Variants in CRACD observed in about 807,000 individuals in gnomAD.
The protein encoded by CRACD is capping protein-inhibiting regulator of actin dynamics.
Under a neutral mutation model 106.8 loss-of-function variants are expected in CRACD, and 56 were observed. The observed-to-expected ratio is 0.52, with a 90% CI of 0.42 to 0.66. The LOEUF (loss-of-function observed/expected upper bound fraction) is 0.66, where lower values mean the gene tolerates loss of function less well. Among genes scored for constraint, CRACD ranks in the 30% least tolerant of loss-of-function variants. The pLI, the probability that CRACD is intolerant of heterozygous loss-of-function variation, is 0.00. For missense variants in CRACD, 1,730 were observed against 1,623.2 expected, an observed-to-expected ratio of 1.07 and a Z score of -1.13; for synonymous variants, 754 against 670.8, an observed-to-expected ratio of 1.12 and a Z score of -1.92.
intron 8 of CRACD, among the ~76,000 whole-genome samples, chr4:56,317,967 T>A (rs12501524): frequency 0.19 from 28,646 of 151,962 alleles, 3,261 homozygotes; most frequent in East Asian, 0.51. Context: ...AAAGTATGGG[T>A]CAAAGCCAAA....
At chr4:56,145,277 C>T (rs931785693) in intron 1 of CRACD, among the ~76,000 whole-genome samples, 3 of 152,178 alleles carry the variant, frequency 2.0e-5, no homozygotes, top group Non-Finnish European at 2.9e-5. Flanking sequence ...ATGAGTATTT[C>T]ACGGAATGCT....
At chr4:56,049,642 G>T (rs1240572357) in intron 1 of CRACD, among the ~76,000 whole-genome samples, 1 of 152,154 alleles carries the variant, frequency 6.6e-6, no homozygotes, top group African/African-American at 2.4e-5. Flanking sequence ...CCAGGTCCCT[G>T]GCTCGGTCCC....
At chr4:56,224,067 G>A (rs538873611) in intron 2 of CRACD, among the ~76,000 whole-genome samples, 24 of 152,274 alleles carry the variant, frequency 1.6e-4, no homozygotes, top group African/African-American at 5.8e-4. Flanking sequence ...TGTTTTAATT[G>A]ATGAGGTCTG....
chr4:56,069,456 G>A (rs1732562979), intron 1 of CRACD, among the ~76,000 whole-genome samples: 1 of 152,168 alleles, frequency 6.6e-6, no homozygotes, highest in African/African-American at 2.4e-5. Flanking sequence ...CCAGTCCCGG[G>A]ACTCTCCTGT....
intron 1 of CRACD, among the ~76,000 whole-genome samples, chr4:56,055,493 G>C (rs886747932): frequency 1.3e-5 from 2 of 152,104 alleles, no homozygotes; most frequent in African/African-American, 4.8e-5. Flanking sequence ...GGTCTCGGGT[G>C]GGGGCCACAG....
At chr4:56,214,614 T>C (rs1390544955) in intron 2 of CRACD, among the ~76,000 whole-genome samples, 1 of 145,810 alleles carries the variant, frequency 6.9e-6, no homozygotes, top group Admixed American at 6.9e-5. Flanking sequence ...AAGAGACATA[T>C]CGCACCACTG....
chr4:56,217,010 A>G (rs950219391), intron 2 of CRACD, among the ~76,000 whole-genome samples: 3 of 151,794 alleles, frequency 2.0e-5, no homozygotes, highest in Admixed American at 6.6e-5. Context: ...AAAGAAAAAA[A>G]AAAAAAAGAA....
chr4:56,194,318 A>G (rs1737507762), intron 2 of CRACD, among the ~76,000 whole-genome samples: 1 of 152,176 alleles, frequency 6.6e-6, no homozygotes, highest in African/African-American at 2.4e-5. Flanking sequence ...GCTTCAAAAT[A>G]CCCAATTCTC....
chr4:56,200,243 C>T (rs1165609134), intron 2 of CRACD, among the ~76,000 whole-genome samples: 1 of 152,042 alleles, frequency 6.6e-6, no homozygotes, highest in African/African-American at 2.4e-5. Flanking sequence ...ATTAATTTAT[C>T]CTCTGTGGCT....
At chr4:56,277,733 A>T (rs190521414) in intron 3 of CRACD, among the ~76,000 whole-genome samples, 2 of 152,202 alleles carry the variant, frequency 1.3e-5, no homozygotes, top group African/African-American at 4.8e-5. Flanking sequence ...TGCAGATGCC[A>T]TGATTGTATA....
Position 56,327,880 on chromosome 4 carries a change from G to A in CRACD, c.*76G>A. ...CTTTTTATTTATTTATTTTTTATATGGGGTAAAGAAATCAAGCTAGGGAAA... is the reference window on the plus strand; with the variant it reads ...CTTTTTATTTATTTATTTTTTATATAGGGTAAAGAAATCAAGCTAGGGAAA... On this transcript the variant is annotated 3_prime_UTR_variant, in exon 11 of 11. Coordinates refer to ENST00000682029, the MANE Select transcript of CRACD (RefSeq NM_001393381.1). The A allele has an allele frequency of 1.5e-6, 2 of 1,300,958 alleles. No individual in the cohort carries two copies. The highest frequency in any genetic ancestry group is 1.5e-5 in the African/African-American group (1 of 66,718). 80.6% of individuals were successfully genotyped at this position (1,300,958 alleles called of 1,614,324 possible).
At chr4:56,211,401 C>T (rs1213534143) in intron 2 of CRACD, among the ~76,000 whole-genome samples, 1 of 152,228 alleles carries the variant, frequency 6.6e-6, no homozygotes, top group Non-Finnish European at 1.5e-5. Context: ...CTGCCCAGGC[C>T]ATGCCTGGCT....
intron 2 of CRACD, among the ~76,000 whole-genome samples, chr4:56,233,455 C>T (rs1472571964): frequency 6.6e-6 from 1 of 152,014 alleles, no homozygotes; most frequent in African/African-American, 2.4e-5. Context: ...TCTAACATTT[C>T]CTCACTAAAT....
chr4:56,141,182 C>G (rs777552001), intron 1 of CRACD, among the ~76,000 whole-genome samples: 6 of 152,100 alleles, frequency 3.9e-5, no homozygotes, highest in Non-Finnish European at 8.8e-5. Flanking sequence ...ACAACAAAAC[C>G]AAAATTGCTC....
intron 2 of CRACD, among the ~76,000 whole-genome samples, chr4:56,186,171 G>A (rs542461477): frequency 1.5e-4 from 23 of 152,320 alleles, no homozygotes; most frequent in African/African-American, 5.5e-4. Flanking sequence ...GAGGTTCTGA[G>A]GGAAGCAAAA....
At chr4:56,157,684 C>T (rs11725180) in intron 1 of CRACD, among the ~76,000 whole-genome samples, 58,008 of 151,886 alleles carry the variant, frequency 0.38, 11,294 homozygotes, top group Middle Eastern at 0.46. Context: ...CATATGGAGT[C>T]GTTACTGCAT....
At chr4:56,299,082 G>T (rs1162915628) in intron 4 of CRACD, among the ~76,000 whole-genome samples, 1 of 152,102 alleles carries the variant, frequency 6.6e-6, no homozygotes, top group Non-Finnish European at 1.5e-5. Flanking sequence ...CTCTGTAATT[G>T]GACAGTGAAT....
At chr4:56,321,909 C>T (rs1468261997) in intron 8 of CRACD, among the ~76,000 whole-genome samples, 1 of 152,050 alleles carries the variant, frequency 6.6e-6, no homozygotes, top group African/African-American at 2.4e-5. Flanking sequence ...TGCCCCCTGC[C>T]CTTTTTGCTT....
chr4:56,168,361 T>C (rs1185348608), intron 1 of CRACD, among the ~76,000 whole-genome samples: 2 of 152,184 alleles, frequency 1.3e-5, no homozygotes, highest in African/African-American at 4.8e-5. Context: ...ACACTGATTG[T>C]GAACCGACCT....
Sources: allele counts gnomAD v4.1 joint callset (sites outside exome capture counted in the v4.1 genomes callset), GRCh38; gene constraint gnomAD v4.1.1; transcripts MANE v1.5; gene names NCBI Gene and HGNC (gene_info 2026-07-23, HGNC 2026-07-21).